Variants in MYO1H observed in about 807,000 individuals in gnomAD.
MYO1H encodes myosin IH.
MYO1H carries 118 observed loss-of-function variants against 149.3 expected under a neutral mutation model. The observed-to-expected ratio is 0.79, with a 90% CI of 0.68 to 0.92. MYO1H has a LOEUF of 0.92. MYO1H is among the 40% of genes least tolerant of loss of function. The pLI is 0.00. For missense variants in MYO1H, 1,212 were observed against 1,280.7 expected (o/e 0.95, Z 0.82); for synonymous variants, 447 against 465.2 (o/e 0.96, Z 0.50).
At chr12:109,431,531 C>T (rs1445773347) in intron 19 of MYO1H, among the ~76,000 whole-genome samples, 2 of 152,192 alleles carry the variant, frequency 1.3e-5, no homozygotes, top group Admixed American at 1.3e-4. Flanking sequence ...TGAGGAAGGT[C>T]CTGTTACTGT....
chr12:109,434,352 G>C (rs749794295), intron 20 of MYO1H, among the ~76,000 whole-genome samples: 1 of 152,128 alleles, frequency 6.6e-6, no homozygotes, highest in Non-Finnish European at 1.5e-5. Context: ...TGTCTGGCTG[G>C]GCGTGGTGGC....
chr12:109,421,844 G>C (rs187849344), intron 16 of MYO1H, among the ~76,000 whole-genome samples: 52 of 152,156 alleles, frequency 3.4e-4, no homozygotes, highest in Admixed American at 5.9e-4. Context: ...TGTTGTTTTT[G>C]AGACAGGGTC....
intron 27 of MYO1H, among the ~76,000 whole-genome samples, chr12:109,443,130 A>G (rs1872270270): frequency 6.5e-5 from 7 of 106,904 alleles, no homozygotes; most frequent in Admixed American, 8.9e-5. Flanking sequence ...GTGTACGTAT[A>G]TATGTGTGTA....
intron 1 of MYO1H, among the ~76,000 whole-genome samples, chr12:109,374,774 T>C (rs918563493): frequency 6.6e-6 from 1 of 152,212 alleles, no homozygotes; most frequent in Non-Finnish European, 1.5e-5. Context: ...TTGTTAGGCT[T>C]TAAAATTTTT....
At chr12:109,338,836 T>C in the MYO1H span, among the ~76,000 whole-genome samples, 1 of 151,916 alleles carries the variant, frequency 6.6e-6, no homozygotes, top group East Asian at 1.9e-4. Flanking sequence ...ACACCCATCT[T>C]GTTAGTTTCC....
chr12:109,353,995 T>G (rs1868525406), intron 1 of MYO1H: 1 of 152,078 alleles, frequency 6.6e-6, no homozygotes, highest in Non-Finnish European at 1.5e-5. Context: ...TGAATGATTT[T>G]TATTCTCTTT....
chr12:109,359,987 G>C (rs1246221377), intron 1 of MYO1H, among the ~76,000 whole-genome samples: 1 of 152,098 alleles, frequency 6.6e-6, no homozygotes, highest in African/African-American at 2.4e-5. Flanking sequence ...CCTCTGTCCT[G>C]TTCCGGCGGC....
rs1871793706 is a variant in MYO1H, at chr12:109,434,931, T to C, written c.2064-106T>C. Reference sequence around the variant, plus strand: ...CAAACACTATTTCCAAATAAGATGGTATTCTGAGGTTCTGAGTGGAAATGA... The same window carrying C: ...CAAACACTATTTCCAAATAAGATGGCATTCTGAGGTTCTGAGTGGAAATGA... On this transcript the variant is annotated intron_variant, in intron 20 of 31. Transcript: ENST00000310903. 9.3e-6 allele frequency: 6 copies of C among 642,942 alleles called. No individual in the cohort carries two copies. In the South Asian group the frequency reaches 9.9e-5, roughly 11 times the overall value. The allele number at this position is 642,942 out of a possible 1,614,324, so 39.8% of individuals were successfully genotyped here.
At chr12:109,381,013 A>G (rs959244610) in intron 1 of MYO1H, among the ~76,000 whole-genome samples, 3 of 151,686 alleles carry the variant, frequency 2.0e-5, no homozygotes, top group South Asian at 2.1e-4. Flanking sequence ...ATAAACTCAT[A>G]ATATATTTTA....
chr12:109,321,269 G>A, the MYO1H span, among the ~76,000 whole-genome samples: 1 of 152,004 alleles, frequency 6.6e-6, no homozygotes, highest in Non-Finnish European at 1.5e-5. Context: ...TGGAAATACT[G>A]AGGCCAGGCA....
chr12:109,383,382 G>T (rs1216908082), intron 1 of MYO1H, among the ~76,000 whole-genome samples: 1 of 152,198 alleles, frequency 6.6e-6, no homozygotes, highest in Non-Finnish European at 1.5e-5. Flanking sequence ...TGTCCTCCCA[G>T]TGGAAAAGTT....
intron 15 of MYO1H, among the ~76,000 whole-genome samples, chr12:109,415,927 A>G (rs953179591): frequency 3.3e-4 from 49 of 150,042 alleles, no homozygotes; most frequent in African/African-American, 1.2e-3. Flanking sequence ...ATTTTATTTT[A>G]TTTTATTTTA....
At chr12:109,378,327 A>AT (rs202089912) in intron 1 of MYO1H, among the ~76,000 whole-genome samples, 4,499 of 147,462 alleles carry the variant, frequency 0.031, 223 homozygotes, top group African/African-American at 0.11. Flanking sequence ...TTATTTATTT[A>AT]TTTATTTTTT....
At chr12:109,348,637 G>T (rs1868388804) in intron 1 of MYO1H, among the ~76,000 whole-genome samples, 2 of 152,294 alleles carry the variant, frequency 1.3e-5, no homozygotes, top group African/African-American at 4.8e-5. Context: ...AAGCTCTCCT[G>T]GGAAGATGGA....
chr12:109,415,344 A>T (rs1022248890), intron 14 of MYO1H, among the ~76,000 whole-genome samples, 182 bp from the exon 15 acceptor site: 2 of 152,028 alleles, frequency 1.3e-5, no homozygotes, highest in Non-Finnish European at 2.9e-5. Flanking sequence ...GTGTGGTGGC[A>T]CCTGCCTGTA....
the MYO1H span, among the ~76,000 whole-genome samples, chr12:109,319,283 A>G: frequency 6.6e-6 from 1 of 152,178 alleles, no homozygotes; most frequent in Non-Finnish European, 1.5e-5. Flanking sequence ...AAGAGCATGG[A>G]TGAACTTTGA....
At chr12:109,400,192 C>T (rs1210641973) in intron 5 of MYO1H, among the ~76,000 whole-genome samples, 5 of 152,158 alleles carry the variant, frequency 3.3e-5, no homozygotes, top group Non-Finnish European at 7.3e-5. Flanking sequence ...GACATTTGGG[C>T]TGTTTGCAAT....
intron 9 of MYO1H, 25 bp downstream of exon 9, chr12:109,406,885 G>A (rs1358188063): frequency 1.9e-6 from 3 of 1,604,518 alleles, no homozygotes; most frequent in Non-Finnish European, 2.6e-6. Context: ...AGGTGGAAAT[G>A]TGCCAGCCCT....
At chr12:109,364,171 TAAAAA>T (rs746308903) in intron 1 of MYO1H, among the ~76,000 whole-genome samples, 10,791 of 90,018 alleles carry the variant, frequency 0.12, 982 homozygotes, top group African/African-American at 0.3. Flanking sequence ...ACCATGTCTT[TAAAAA>T]AAAAAAAAAA....
Sources: gnomAD v4.1 joint callset for allele counts (sites outside exome capture counted in the v4.1 genomes callset) on GRCh38, gnomAD v4.1.1 for gene constraint, MANE v1.5 for transcripts, NCBI Gene and HGNC (gene_info 2026-07-23, HGNC 2026-07-21) for gene names.